The following PLSCR4 variants were observed in gnomAD, a reference collection of about 807,000 sequenced individuals.
PLSCR4 encodes phospholipid scramblase 4, also known as Ca(2+)-dependent phospholipid scramblase 4.
A neutral mutation model predicts 36.3 loss-of-function variants in PLSCR4; 25 were observed. The ratio of observed to expected loss-of-function variants is 0.69; its 90% CI spans 0.50 to 0.96. The LOEUF is 0.96. Ranked by LOEUF, PLSCR4 falls within the 40% of genes least tolerant of loss-of-function variation. PLSCR4 has a pLI of 0.00. For missense variants in PLSCR4, 408 were observed against 414.7 expected (o/e 0.98, Z 0.14); for synonymous variants, 122 against 132.9 (o/e 0.92, Z 0.56).
rs547109351 is a variant in PLSCR4, at chr3:146,239,611, C to T, written c.-22+11349G>A. On this transcript the variant is annotated intron_variant, in intron 1 of 8. Coordinates refer to ENST00000354952, the MANE Select transcript of PLSCR4 (RefSeq NM_020353.3). Reference sequence around the variant, plus strand: ...TATAAACTTAAATGCAGGCCAGATGCGGTGGCTAATGCCTGTAATCCCAGC... The same window carrying T: ...TATAAACTTAAATGCAGGCCAGATGTGGTGGCTAATGCCTGTAATCCCAGC... 2.6e-5 allele frequency among the ~76,000 whole-genome samples: 4 copies of T among 151,742 alleles called. No individual in the cohort carries two copies. The South Asian group carries it at 6.3e-4, about 24-fold the overall frequency.
Position 146,194,404 on chromosome 3 carries a change from T to C in PLSCR4, c.*7A>G. 1 of 1,603,292 alleles carries C rather than the reference T, an allele frequency of 6.2e-7. No individual in the cohort carries two copies. Among genetic ancestry groups the C allele is most frequent in the Non-Finnish European group, 8.5e-7 (1 of 1,170,578 alleles). ...ATTAACCATAGTTGATGGCTTGCTG[T>C]GTCTCTCTATCTTGAACGTTGTGGT... On this transcript the variant is annotated 3_prime_UTR_variant, in exon 9 of 9. Transcript: ENST00000354952.
chr3:146,226,749 G>C (rs114450077), intron 1 of PLSCR4, among the ~76,000 whole-genome samples: 118 of 152,210 alleles, frequency 7.8e-4, no homozygotes, highest in African/African-American at 2.8e-3. Context: ...TCTCAACCAT[G>C]CCAGGCATTA....
chr3:146,195,760 C>G (rs966323078), intron 7 of PLSCR4, among the ~76,000 whole-genome samples: 1 of 152,196 alleles, frequency 6.6e-6, no homozygotes, highest in Admixed American at 6.5e-5. Flanking sequence ...AAACCTGGCA[C>G]TTGTCACAGG....
chr3:146,205,804 G>A (rs1046218156), intron 4 of PLSCR4, among the ~76,000 whole-genome samples: 10 of 151,994 alleles, frequency 6.6e-5, no homozygotes, highest in Admixed American at 5.3e-4. Context: ...AGGAATCAAC[G>A]CCACAAATAA....
At chr3:146,227,366 T>C (rs866892895) in intron 1 of PLSCR4, among the ~76,000 whole-genome samples, 1 of 152,106 alleles carries the variant, frequency 6.6e-6, no homozygotes, top group Non-Finnish European at 1.5e-5. Context: ...GTTGCTGAGA[T>C]TGAGGTTTGC....
At chr3:146,225,382 G>A (rs1397561680) in intron 1 of PLSCR4, among the ~76,000 whole-genome samples, 1 of 152,218 alleles carries the variant, frequency 6.6e-6, no homozygotes, top group East Asian at 1.9e-4. Context: ...AGTGGATCCC[G>A]CAGCAGGGCT....
At chr3:146,236,745 G>T (rs1228972773) in intron 1 of PLSCR4, among the ~76,000 whole-genome samples, 1 of 152,052 alleles carries the variant, frequency 6.6e-6, no homozygotes, top group African/African-American at 2.4e-5. Flanking sequence ...CCCATCTCAG[G>T]TATGTCTTTA....
chr3:146,213,318 C>G (rs1198543563), intron 3 of PLSCR4, among the ~76,000 whole-genome samples: 1 of 147,636 alleles, frequency 6.8e-6, no homozygotes, highest in Non-Finnish European at 1.5e-5. Flanking sequence ...CTTCATGCAG[C>G]ATTTAGTAAA....
intron 1 of PLSCR4, among the ~76,000 whole-genome samples, chr3:146,237,836 G>T (rs986744810): frequency 5.9e-5 from 9 of 151,334 alleles, no homozygotes; most frequent in African/African-American, 2.2e-4. Context: ...CAAGAAAAAG[G>T]AAAGAAATAA....
Position 146,236,395 on chromosome 3 carries a change from A to G in PLSCR4, c.-21-14303T>C, listed in dbSNP as rs2035918507. Among the ~76,000 whole-genome samples, 2 of 152,228 alleles carry G rather than the reference A, an allele frequency of 1.3e-5. 1 individual carries two copies. Among genetic ancestry groups the G allele is most frequent in the South Asian group, 4.1e-4 (2 of 4,830 alleles). ...TATAAACAAAGAGACTGAGGTTAAC[A>G]GAATAGTTAAATGCATATTTTTTTA... is the stretch of plus-strand genomic sequence containing the variant. On this transcript the variant is annotated intron_variant, in intron 1 of 8. Transcript: ENST00000354952.
At chr3:146,227,813 A>G (rs1382268399) in intron 1 of PLSCR4, among the ~76,000 whole-genome samples, 1 of 152,222 alleles carries the variant, frequency 6.6e-6, no homozygotes, top group Non-Finnish European at 1.5e-5. Flanking sequence ...TCTGCTTCTT[A>G]GCAGAGGCAA....
In PLSCR4 at chr3:146,232,287, T is replaced by C. The variant is rs2035742975; in HGVS notation, c.-21-10195A>G. ...AGTCAGATAGTGTGACGCCTCTGGC[T>C]TTCTTCTTTTTGTTTAGGATCGCTT... On this transcript the variant is annotated intron_variant, in intron 1 of 8. Coordinates refer to ENST00000354952, the MANE Select transcript of PLSCR4 (RefSeq NM_020353.3). Among the ~76,000 whole-genome samples the C allele has an allele frequency of 2.0e-5, 3 of 152,216 alleles. No individual in the cohort carries two copies. The South Asian group carries it at 6.2e-4, about 31-fold the overall frequency.
chr3:146,226,572 A>G (rs2035488987), intron 1 of PLSCR4, among the ~76,000 whole-genome samples: 1 of 152,222 alleles, frequency 6.6e-6, no homozygotes, highest in African/African-American at 2.4e-5. Flanking sequence ...ATTTTTAAAT[A>G]TTTAATTTCA....
intron 1 of PLSCR4, among the ~76,000 whole-genome samples, chr3:146,247,481 C>T (rs1336032626): frequency 6.6e-6 from 1 of 152,118 alleles, no homozygotes; most frequent in East Asian, 1.9e-4. Context: ...AAGCAATTTG[C>T]AACTCTATTT....
At chr3:146,195,326 G>A in intron 7 of PLSCR4, 44 bp from the exon 8 acceptor site, 1 of 1,479,650 alleles carries the variant, frequency 6.8e-7, no homozygotes, top group Non-Finnish European at 9.4e-7. Flanking sequence ...GAAACGCATT[G>A]AAGCATGTTT....
intron 1 of PLSCR4, among the ~76,000 whole-genome samples, chr3:146,241,025 T>C (rs569688384): frequency 2.6e-5 from 4 of 152,144 alleles, no homozygotes; most frequent in Non-Finnish European, 5.9e-5. Flanking sequence ...TGTATGGCTA[T>C]ACATGCTATA....
chr3:146,239,249 A>G (rs2036043895), intron 1 of PLSCR4, among the ~76,000 whole-genome samples: 1 of 152,200 alleles, frequency 6.6e-6, no homozygotes, highest in South Asian at 2.1e-4. Context: ...TTATAGAAAT[A>G]AAAGGGTCCC....
chr3:146,215,135 C>G (rs969325133), intron 3 of PLSCR4, among the ~76,000 whole-genome samples: 2 of 151,884 alleles, frequency 1.3e-5, no homozygotes, highest in African/African-American at 4.8e-5. Context: ...ATTTTACAAA[C>G]TGAAGATATA....
chr3:146,220,788 A>C (rs1392074359), intron 3 of PLSCR4, 27 bp downstream of exon 3: 1 of 1,355,074 alleles, frequency 7.4e-7, no homozygotes, highest in Non-Finnish European at 1.1e-6. Context: ...AGCAAAGGAG[A>C]ATATCTTTTA....
Sources: gnomAD v4.1 joint callset for allele counts (sites outside exome capture counted in the v4.1 genomes callset) on GRCh38, gnomAD v4.1.1 for gene constraint, MANE v1.5 for transcripts, NCBI Gene and HGNC (gene_info 2026-07-23, HGNC 2026-07-21) for gene names.